The following LRCH3 variants were observed in gnomAD, a reference collection of about 807,000 sequenced individuals.
LRCH3 encodes DISP complex protein LRCH3.
In LRCH3, 68 loss-of-function variants were observed where a neutral mutation model predicts 104.5. That is an observed-to-expected ratio of 0.65 (90% CI 0.54 to 0.80). The LOEUF (loss-of-function observed/expected upper bound fraction) is 0.80. LRCH3 is among the 30% of genes least tolerant of loss of function. The probability of loss-of-function intolerance (pLI) is 0.00; values close to 1 mark genes in which losing one functional copy is unlikely to be tolerated. For synonymous variants in LRCH3, 344 were observed against 361.3 expected (o/e 0.95, Z 0.54); for missense variants, 951 against 953.9 (o/e 1.00, Z 0.04).
chr3:197,831,036 C>G (rs1262426575), intron 7 of LRCH3, 173 bp downstream of exon 7: 1 of 534,870 alleles, frequency 1.9e-6, no homozygotes, highest in East Asian at 3.3e-5. Flanking sequence ...TGCGTCCTTA[C>G]CGGCTTTCTG....
At chr3:197,839,483 A>C in intron 10 of LRCH3, 86 bp downstream of exon 10, 1 of 736,520 alleles carries the variant, frequency 1.4e-6, no homozygotes, top group Non-Finnish European at 2.2e-6. Context: ...ATCTGTGTGT[A>C]ATAAAGATGT....
chr3:197,850,341 A>G, intron 12 of LRCH3: 1 of 806,132 alleles, frequency 1.2e-6, no homozygotes, highest in Non-Finnish European at 2.0e-6. Flanking sequence ...CTCTTTAGGT[A>G]CCATTTTTTC....
At chr3:197,818,508 T>C (rs1734112576) in intron 3 of LRCH3, among the ~76,000 whole-genome samples, 1 of 152,210 alleles carries the variant, frequency 6.6e-6, no homozygotes, top group Non-Finnish European at 1.5e-5. Context: ...ATTATGAATA[T>C]AAGAGGTTAC....
intron 15 of LRCH3, among the ~76,000 whole-genome samples, chr3:197,865,005 AAGAGAGAGAGAGGG>A (rs1553925697): frequency 6.6e-6 from 1 of 151,964 alleles, no homozygotes; most frequent in Non-Finnish European, 1.5e-5. Context: ...GTCTCAAAAA[AAGAGAGAGAGAGGG>A]AGAGAGAGAG....
At position 197,854,029 on chromosome 3, in the gene LRCH3, C is replaced by A. The variant is rs759348259; in HGVS notation, c.1591-363C>A. Among the ~76,000 whole-genome samples the A allele has an allele frequency of 1.3e-5, 2 of 152,158 alleles. No homozygotes were observed. The highest frequency in any genetic ancestry group is 2.9e-5 in the Non-Finnish European group (2 of 68,018). On this transcript the variant is annotated intron_variant, in intron 13 of 20. Coordinates refer to ENST00000425562, the MANE Select transcript of LRCH3 (RefSeq NM_001365715.1). This position sits in a 1 kb window ranked among gnomAD's most constrained non-coding sequence, Gnocchi z 4.5. Reference sequence around the variant, plus strand: ...GCTTAAGAAAGAAAATGAAGAGATACTTAGACTAGAAATTATGACTCTGGG... The same window carrying A: ...GCTTAAGAAAGAAAATGAAGAGATAATTAGACTAGAAATTATGACTCTGGG...
intron 10 of LRCH3, among the ~76,000 whole-genome samples, chr3:197,847,145 A>G (rs1162551667): frequency 6.6e-6 from 1 of 152,230 alleles, no homozygotes; most frequent in Non-Finnish European, 1.5e-5. Context: ...GGTGATCTCA[A>G]TTAACTGTAT....
Position 197,880,192 on chromosome 3 carries a change from G to A in LRCH3, c.2209-3349G>A, listed in dbSNP as rs546594633. Among the ~76,000 whole-genome samples, 58 of 152,030 alleles carry A rather than the reference G, an allele frequency of 3.8e-4. 1 individual carries two copies. In the South Asian group the frequency reaches 5.0e-3, roughly 13 times the overall value. ...GATCTCCTGACCTCGTGATCCACCC[G>A]CCTCGGCCTCCCAAAGTGCTGGGAT... On this transcript the variant is annotated intron_variant, in intron 20 of 20. Coordinates refer to ENST00000425562, the MANE Select transcript of LRCH3 (RefSeq NM_001365715.1).
chr3:197,877,769 GT>G (rs1289530075), intron 20 of LRCH3, among the ~76,000 whole-genome samples: 20 of 148,060 alleles, frequency 1.4e-4, no homozygotes, highest in South Asian at 8.5e-4. Context: ...TTCTTTTGCT[GT>G]TTTTTTTTTA....
At position 197,884,336 on chromosome 3, in the gene LRCH3, T is replaced by TA. The variant is rs1428577267; in HGVS notation, c.*671dup. On this transcript the variant is annotated 3_prime_UTR_variant, in exon 21 of 21. Transcript: ENST00000425562. ...TGCCTGGCTAATTTTCTTGTATTTT[T>TA]AGTAGAGATGGGATTTTGTCATGTT... 1.3e-5 allele frequency: 2 copies of TA among 152,368 alleles called. No individual in the cohort carries two copies. Among genetic ancestry groups the TA allele is most frequent in the East Asian group, 3.8e-4 (2 of 5,202 alleles). 9.4% of individuals were successfully genotyped at this position (152,368 alleles called of 1,614,324 possible). A position where few individuals can be genotyped will look rare whatever the true frequency, so the allele number is the denominator to read the frequency against.
At chr3:197,855,211 T>C (rs1201251116) in intron 14 of LRCH3, among the ~76,000 whole-genome samples, 1 of 152,192 alleles carries the variant, frequency 6.6e-6, no homozygotes, top group Non-Finnish European at 1.5e-5. Context: ...ACATTCCTGT[T>C]ACATCAGCTT....
intron 4 of LRCH3, among the ~76,000 whole-genome samples, chr3:197,823,858 C>T (rs1491001984): frequency 2.0e-5 from 3 of 152,098 alleles, no homozygotes; most frequent in African/African-American, 7.2e-5. Flanking sequence ...ATGTCAGCTT[C>T]CTATTGTGAT....
At chr3:197,812,504 G>GTTTTTATTTTTTTTTTTTT (rs1733253022) in intron 1 of LRCH3, among the ~76,000 whole-genome samples, 1 of 48,956 alleles carries the variant, frequency 2.0e-5, no homozygotes, top group Non-Finnish European at 3.5e-5. Context: ...TCTGCTTTCA[G>GTTTTTATTTTTTTTTTTTT]TTTTTTTTTT....
At chr3:197,838,129 A>G (rs2109327246) in intron 9 of LRCH3, among the ~76,000 whole-genome samples, 1 of 152,026 alleles carries the variant, frequency 6.6e-6, no homozygotes, top group East Asian at 1.9e-4. Context: ...TTATTGTTTA[A>G]AGTGGTGTAG....
At chr3:197,812,989 C>T (rs1580601653) in intron 1 of LRCH3, among the ~76,000 whole-genome samples, 2 of 152,120 alleles carry the variant, frequency 1.3e-5, no homozygotes, top group Admixed American at 6.6e-5. Flanking sequence ...CCCAGCAAAG[C>T]GCAAAGGTTC....
intron 1 of LRCH3, among the ~76,000 whole-genome samples, chr3:197,811,092 A>G (rs1307161152): frequency 1.3e-5 from 2 of 152,202 alleles, no homozygotes; most frequent in African/African-American, 4.8e-5. Context: ...TGAAAAGCGT[A>G]ACCCACTCTC....
chr3:197,791,243 G>A, upstream of LRCH3: 1 of 1,601,198 alleles, frequency 6.2e-7, no homozygotes. Flanking sequence ...CCGCGCATGC[G>A]CTGAGCTGGC....
chr3:197,818,128 C>G (rs1389578421), intron 3 of LRCH3, among the ~76,000 whole-genome samples: 1 of 151,992 alleles, frequency 6.6e-6, no homozygotes, highest in Non-Finnish European at 1.5e-5. Context: ...GCCCTGTTGC[C>G]CTGTATTTTC....
At chr3:197,792,777 G>A (rs1013202164) in intron 1 of LRCH3, among the ~76,000 whole-genome samples, 3 of 149,332 alleles carry the variant, frequency 2.0e-5, no homozygotes, top group Non-Finnish European at 4.5e-5. Context: ...TCAGCCTCCC[G>A]AGTAGCTGGG....
At chr3:197,818,723 A>G (rs561145848) in intron 3 of LRCH3, among the ~76,000 whole-genome samples, 21 of 152,322 alleles carry the variant, frequency 1.4e-4, no homozygotes, top group African/African-American at 4.8e-4. Context: ...TACTTATTCA[A>G]TCCTAAATAC....
Sources: allele counts gnomAD v4.1 joint callset (sites outside exome capture counted in the v4.1 genomes callset), GRCh38; gene constraint gnomAD v4.1.1; non-coding constraint Gnocchi (gnomAD v3.1); transcripts MANE v1.5; gene names NCBI Gene and HGNC (gene_info 2026-07-23, HGNC 2026-07-21).